SNRPN: variants seen among roughly 807,000 people sequenced by gnomAD.
The protein encoded by SNRPN is small nuclear ribonucleoprotein polypeptide N, also known as small nuclear ribonucleoprotein-associated protein N.
Under a neutral mutation model 25.2 loss-of-function variants are expected in SNRPN, and 7 were observed. The observed-to-expected ratio is 0.28, with a 90% CI of 0.16 to 0.52. The LOEUF (loss-of-function observed/expected upper bound fraction) is 0.52, where lower values mean the gene tolerates loss of function less well. Ranked by LOEUF, SNRPN falls within the 20% of genes least tolerant of loss-of-function variation. The pLI is 0.96. For synonymous variants in SNRPN, 124 were observed against 110.6 expected (o/e 1.12, Z -0.76); for missense variants, 196 against 322.5 (o/e 0.61, Z 3.00).
intron 3 of SNRPN, among the ~76,000 whole-genome samples, chr15:24,923,211 T>A (rs544165112): frequency 1.6e-4 from 25 of 152,258 alleles, no homozygotes; most frequent in African/African-American, 4.3e-4. Context: ...CGGCTGCAGA[T>A]CCCTTCTATA....
rs555500048 is a variant in SNRPN at position 24,896,594 on chromosome 15, G to A, written c.-505+10005G>A. 2.6e-5 allele frequency among the ~76,000 whole-genome samples: 4 copies of A among 152,100 alleles called. No individual in the cohort carries two copies. The East Asian group carries it at 5.8e-4, about 22-fold the overall frequency. ...CTAGGTGTGGTGGCGGGCGCCTGTAGTTCCAGCTACTCGGGAGACTGAGGC... is the reference window on the plus strand; with the variant it reads ...CTAGGTGTGGTGGCGGGCGCCTGTAATTCCAGCTACTCGGGAGACTGAGGC... On this transcript the variant is annotated intron_variant, in intron 2 of 11. Coordinates refer to the SNRPN transcript ENST00000400097.
Position 24,929,361 on chromosome 15 carries a change from T to C in SNRPN, c.-391+9237T>C, listed in dbSNP as rs2060643896. Reference sequence around the variant, plus strand: ...CTACTCTCCCCCTTGCCTCCTAGGGTCCCCTTTCCTCTCATCAGTTGCCAG... The same window carrying C: ...CTACTCTCCCCCTTGCCTCCTAGGGCCCCCTTTCCTCTCATCAGTTGCCAG... On this transcript the variant is annotated intron_variant, in intron 3 of 11. Coordinates refer to the SNRPN transcript ENST00000400097. This position sits in a 1 kb window ranked among gnomAD's most constrained non-coding sequence, Gnocchi z 5.3. Among the ~76,000 whole-genome samples the C allele has an allele frequency of 6.6e-6, 1 of 152,070 alleles. No individual in the cohort carries two copies. Among genetic ancestry groups the C allele is most frequent in the African/African-American group, 2.4e-5 (1 of 41,420 alleles).
intron 2 of SNRPN, among the ~76,000 whole-genome samples, chr15:24,907,153 T>C (rs1235724173): frequency 6.6e-6 from 1 of 152,094 alleles, no homozygotes; most frequent in Non-Finnish European, 1.5e-5. Flanking sequence ...GAATCCAATA[T>C]AGAGAATGGA....
intron 2 of SNRPN, among the ~76,000 whole-genome samples, chr15:24,967,701 G>A (rs2075850793): frequency 6.6e-6 from 1 of 150,964 alleles, no homozygotes; most frequent in Non-Finnish European, 1.5e-5. Flanking sequence ...CCAGCTACTT[G>A]GGAGGCTGAG....
intron 1 of SNRPN, among the ~76,000 whole-genome samples, chr15:24,883,402 GC>G (rs752677616): frequency 1.3e-5 from 2 of 152,210 alleles, no homozygotes; most frequent in Non-Finnish European, 2.9e-5. Context: ...GAGGACAGTA[GC>G]CCACAGGGGC....
intron 3 of SNRPN, among the ~76,000 whole-genome samples, chr15:24,969,003 G>A (rs989776284): frequency 6.6e-6 from 1 of 152,060 alleles, no homozygotes; most frequent in Non-Finnish European, 1.5e-5. Flanking sequence ...TTTTTACAAA[G>A]TAAGAGCAGA....
chr15:24,953,947 A>G (rs558687244), upstream of SNRPN, among the ~76,000 whole-genome samples: 84 of 152,364 alleles, frequency 5.5e-4, no homozygotes, highest in South Asian at 4.4e-3. Flanking sequence ...GGAACTGAGC[A>G]GTAGCTTACA....
intron 2 of SNRPN, among the ~76,000 whole-genome samples, chr15:24,963,441 C>G (rs933335009): frequency 3.3e-5 from 5 of 151,688 alleles, no homozygotes; most frequent in African/African-American, 1.2e-4. Context: ...ATGGTGAAAC[C>G]CCGTCTCTCC....
chr15:24,857,807 A>G (rs1053998913), intron 1 of SNRPN, among the ~76,000 whole-genome samples: 1 of 152,190 alleles, frequency 6.6e-6, no homozygotes, highest in African/African-American at 2.4e-5. Context: ...CCGGCTGTGC[A>G]GGAGACCATA....
chr15:24,959,714 A>G (rs1272099915), intron 1 of SNRPN, among the ~76,000 whole-genome samples: 4 of 152,206 alleles, frequency 2.6e-5, no homozygotes, highest in African/African-American at 4.8e-5. Context: ...GATCAGTACT[A>G]AATTCCTTTT....
chr15:24,857,289 T>C (rs2053495239), intron 1 of SNRPN, among the ~76,000 whole-genome samples: 1 of 152,224 alleles, frequency 6.6e-6, no homozygotes, highest in African/African-American at 2.4e-5. Flanking sequence ...CTGTAGACAT[T>C]GGCTAGAGTC....
At chr15:24,851,642 G>C (rs2052850910), upstream of SNRPN, 1 of 152,304 alleles carries the variant, frequency 6.6e-6, no homozygotes, top group Admixed American at 6.5e-5. Context: ...GCCCACTAAG[G>C]AATGCATTTG....
At chr15:24,850,992 T>C (rs577258311) in intron 2 of SNRPN, 1 of 152,118 alleles carries the variant, frequency 6.6e-6, no homozygotes, top group East Asian at 1.9e-4. Context: ...ATATACACTG[T>C]TCACTGCAGC....
At chr15:24,830,456 A>G (rs944132890) in intron 2 of SNRPN, among the ~76,000 whole-genome samples, 5 of 151,986 alleles carry the variant, frequency 3.3e-5, no homozygotes, top group Non-Finnish European at 2.9e-5. Context: ...CGTGTTTCCA[A>G]TGTTATATAT....
At chr15:24,857,783 G>T (rs981403616) in intron 1 of SNRPN, among the ~76,000 whole-genome samples, 2 of 152,136 alleles carry the variant, frequency 1.3e-5, no homozygotes, top group African/African-American at 4.8e-5. Context: ...AGAGAAGCAA[G>T]AATTCACCCA....
intron 3 of SNRPN, among the ~76,000 whole-genome samples, chr15:24,948,906 C>T (rs2062046200): frequency 6.6e-6 from 1 of 151,654 alleles, no homozygotes; most frequent in African/African-American, 2.4e-5. Context: ...TTTTGATCAT[C>T]CCAGAAAGAA....
At chr15:24,913,904 G>GA (rs931861529) in intron 2 of SNRPN, among the ~76,000 whole-genome samples, 17 of 152,148 alleles carry the variant, frequency 1.1e-4, no homozygotes, top group Admixed American at 9.8e-4. Context: ...TTAGAGAAGT[G>GA]AAAAGATAAA....
chr15:24,842,910 C>A (rs1226357767), intron 2 of SNRPN, among the ~76,000 whole-genome samples: 1 of 152,190 alleles, frequency 6.6e-6, no homozygotes, highest in Non-Finnish European at 1.5e-5. Context: ...TGATATCTAT[C>A]TCCATAACTT....
Position 24,846,084 on chromosome 15 carries a change from C to CAA in SNRPN, c.-579+16192_-579+16193dup, listed in dbSNP as rs59290191. 5.9e-3 allele frequency among the ~76,000 whole-genome samples: 806 copies of CAA among 137,208 alleles called. 3 individuals carry two copies. The highest frequency in any genetic ancestry group is 0.015 in the Middle Eastern group (4 of 264). The allele number at this position is 137,208 out of a possible 152,430, so 90.0% of individuals were successfully genotyped here. ...GGGGTGACAGAACGAGACTCCGTCT[C>CAA]AAAAAAAAAAAAAATTGATCCTTAA... is the stretch of plus-strand genomic sequence containing the variant. On this transcript the variant is annotated intron_variant, in intron 2 of 12. Transcript: ENST00000400100.
Sources: gnomAD v4.1 joint callset for allele counts (sites outside exome capture counted in the v4.1 genomes callset) on GRCh38, gnomAD v4.1.1 for gene constraint, Gnocchi (gnomAD v3.1) non-coding constraint, MANE v1.5 for transcripts, NCBI Gene and HGNC (gene_info 2026-07-23, HGNC 2026-07-21) for gene names.